SASH1: variants seen among roughly 807,000 people sequenced by gnomAD.
SASH1 encodes SAM and SH3 domain containing 1, also known as SAM and SH3 domain-containing protein 1.
SASH1 carries 44 observed loss-of-function variants against 125.2 expected under a neutral mutation model. The observed-to-expected ratio is 0.35, with a 90% CI of 0.28 to 0.45. The LOEUF (loss-of-function observed/expected upper bound fraction) is 0.45, where lower values mean the gene tolerates loss of function less well. Among genes scored for constraint, SASH1 ranks in the 20% least tolerant of loss-of-function variants. The pLI is 1.00. For missense variants in SASH1, 1,426 were observed against 1,614.5 expected (o/e 0.88, Z 2.00); for synonymous variants, 639 against 649.1 (o/e 0.98, Z 0.24).
At chr6:148,474,375 G>T (rs1207117575) in intron 7 of SASH1, among the ~76,000 whole-genome samples, 153 bp downstream of exon 7, 6 of 152,174 alleles carry the variant, frequency 3.9e-5, no homozygotes, top group African/African-American at 1.4e-4. Flanking sequence ...TCTACTTTGT[G>T]AGGTGAAACT....
intron 4 of SASH1, among the ~76,000 whole-genome samples, chr6:148,441,367 C>T (rs1167475713): frequency 1.3e-5 from 2 of 152,150 alleles, no homozygotes; most frequent in African/African-American, 2.4e-5. Flanking sequence ...TAATTCTAAA[C>T]TTAAGAGGCT....
At chr6:148,238,278 C>A in the SASH1 span, among the ~76,000 whole-genome samples, 1 of 152,014 alleles carries the variant, frequency 6.6e-6, no homozygotes, top group Non-Finnish European at 1.5e-5. Context: ...GGCTGGAGTG[C>A]AGTGGCGCAA....
intron 2 of SASH1, among the ~76,000 whole-genome samples, chr6:148,411,166 C>CAAAAAAAAAAAAAAAAAAAAAAAA (rs56342457): frequency 6.5e-5 from 3 of 46,182 alleles, no homozygotes; most frequent in Non-Finnish European, 1.1e-4. Flanking sequence ...ACTCCATCTC[C>CAAAAAAAAAAAAAAAAAAAAAAAA]AAAAAAAAAA....
At chr6:148,343,842 T>G (rs1781428398) in intron 1 of SASH1, among the ~76,000 whole-genome samples, 1 of 152,234 alleles carries the variant, frequency 6.6e-6, no homozygotes, top group Non-Finnish European at 1.5e-5. Flanking sequence ...TTCTTCTGTA[T>G]GGAGGGTGAA....
intron 4 of SASH1, among the ~76,000 whole-genome samples, chr6:148,466,062 C>T (rs963922861): frequency 4.6e-5 from 7 of 152,136 alleles, no homozygotes; most frequent in African/African-American, 1.7e-4. Flanking sequence ...CTCCTAAAAG[C>T]CTTGCAGGTA....
chr6:148,322,146 T>A (rs1323158842), intron 1 of SASH1, among the ~76,000 whole-genome samples: 1 of 151,790 alleles, frequency 6.6e-6, no homozygotes, highest in Non-Finnish European at 1.5e-5. Flanking sequence ...AGGTCAGGAG[T>A]TCGAGACCAG....
At chr6:148,440,775 T>C (rs1481900805) in intron 4 of SASH1, 1 of 215,664 alleles carries the variant, frequency 4.6e-6, no homozygotes, top group Non-Finnish European at 9.3e-6. Context: ...AAATATAAAA[T>C]ATACTATATT....
At chr6:148,514,236 G>A in intron 8 of SASH1, 88 bp from the exon 9 acceptor site, 1 of 1,523,722 alleles carries the variant, frequency 6.6e-7, no homozygotes, top group South Asian at 1.3e-5. Flanking sequence ...CCGAGGTTCA[G>A]ACTGGCAGCA....
chr6:148,289,861 G>GTT (rs144013796), intron 1 of SASH1, among the ~76,000 whole-genome samples: 1,807 of 85,786 alleles, frequency 0.021, 1 homozygote, highest in East Asian at 0.029. Flanking sequence ...TTTTGGTTGT[G>GTT]TTTTTTTTTT....
intron 1 of SASH1, among the ~76,000 whole-genome samples, chr6:148,378,242 C>T (rs975881498): frequency 5.3e-5 from 8 of 151,912 alleles, no homozygotes; most frequent in South Asian, 2.1e-4. Flanking sequence ...TCAGTAAAGG[C>T]GGGGTTTCAC....
At chr6:148,380,940 A>G (rs1783106562) in intron 1 of SASH1, among the ~76,000 whole-genome samples, 1 of 152,234 alleles carries the variant, frequency 6.6e-6, no homozygotes, top group South Asian at 2.1e-4. Flanking sequence ...TATATTGGAT[A>G]CTTAATACCT....
the SASH1 span, among the ~76,000 whole-genome samples, chr6:148,210,303 G>A: frequency 9.2e-5 from 14 of 152,292 alleles, no homozygotes; most frequent in African/African-American, 2.6e-4. Flanking sequence ...CAAGGTAGGC[G>A]GATTACCTGA....
intron 1 of SASH1, among the ~76,000 whole-genome samples, chr6:148,288,854 A>C (rs1779552812): frequency 6.6e-6 from 1 of 152,214 alleles, no homozygotes; most frequent in Admixed American, 6.5e-5. Context: ...AATTATTGAC[A>C]TCAAAGCCTG....
intron 7 of SASH1, among the ~76,000 whole-genome samples, chr6:148,477,710 T>TC: frequency 6.7e-6 from 1 of 148,258 alleles, no homozygotes; most frequent in East Asian, 2.0e-4. Context: ...TTTTTTTTTT[T>TC]TTTTTGAGAT....
At chr6:148,441,167 C>T (rs1033124358) in intron 4 of SASH1, among the ~76,000 whole-genome samples, 14 of 152,226 alleles carry the variant, frequency 9.2e-5, no homozygotes, top group East Asian at 1.9e-4. Context: ...TCCTTTGGCA[C>T]GGAGCCACTT....
intron 8 of SASH1, among the ~76,000 whole-genome samples, chr6:148,505,620 G>GT (rs1186488885): frequency 2.7e-5 from 4 of 150,152 alleles, no homozygotes; most frequent in Admixed American, 6.6e-5. Context: ...TGGTTGTTGG[G>GT]TTTTTTTGTT....
chr6:148,235,292 A>C, the SASH1 span, among the ~76,000 whole-genome samples: 1 of 152,196 alleles, frequency 6.6e-6, no homozygotes, highest in Admixed American at 6.5e-5. Flanking sequence ...CATCTTAATC[A>C]TTTGGCGTTA....
intron 1 of SASH1, among the ~76,000 whole-genome samples, chr6:148,353,899 G>A (rs1307861956): frequency 6.6e-6 from 1 of 152,190 alleles, no homozygotes; most frequent in Admixed American, 6.5e-5. Context: ...GCTGTGTACA[G>A]TGGTTCACTC....
intron 19 of SASH1, 144 bp downstream of exon 19, chr6:148,546,290 C>A: frequency 4.3e-6 from 4 of 925,434 alleles, no homozygotes; most frequent in Non-Finnish European, 6.3e-6. Context: ...ATGTGGTCAG[C>A]CTAGAAATGT....
Sources: gnomAD v4.1 joint callset for allele counts (sites outside exome capture counted in the v4.1 genomes callset) on GRCh38, gnomAD v4.1.1 for gene constraint, MANE v1.5 for transcripts, NCBI Gene and HGNC (gene_info 2026-07-23, HGNC 2026-07-21) for gene names.